Variants in NOX5 observed in about 807,000 individuals in gnomAD.
The protein encoded by NOX5 is NADPH oxidase, EF-hand calcium binding domain 5.
A neutral mutation model predicts 85.7 loss-of-function variants in NOX5; 76 were observed. The ratio of observed to expected loss-of-function variants is 0.89; its 90% CI spans 0.74 to 1.07. The LOEUF is 1.07. Among genes scored for constraint, NOX5 ranks in the 50% least tolerant of loss-of-function variants. NOX5 has a pLI of 0.00. For missense variants in NOX5, 973 were observed against 999.5 expected (o/e 0.97, Z 0.36); for synonymous variants, 405 against 401.4 (o/e 1.01, Z -0.11).
intron 12 of NOX5, 128 bp from the exon 13 acceptor site, chr15:69,047,702 C>T: frequency 7.7e-7 from 1 of 1,292,628 alleles, no homozygotes; most frequent in Non-Finnish European, 1.1e-6. Context: ...TTTTGTGTCT[C>T]ATCCCTCCCC....
intron 5 of NOX5, 58 bp downstream of exon 5, chr15:69,033,335 C>T (rs2050466879): frequency 1.3e-6 from 2 of 1,536,830 alleles, no homozygotes; most frequent in Non-Finnish European, 1.7e-6. Context: ...GAGGTGGGCT[C>T]CTCCTAGACA....
intron 5 of NOX5, among the ~76,000 whole-genome samples, chr15:69,033,770 C>T (rs1404185782): frequency 6.7e-6 from 1 of 148,198 alleles, no homozygotes; most frequent in Non-Finnish European, 1.5e-5. Flanking sequence ...TCTCAGCTCA[C>T]TGCAACTTTT....
rs989889832 is a variant in NOX5 at position 69,033,023 on chromosome 15, G to T, written c.621-20G>T. The T allele has an allele frequency of 3.9e-6, 6 of 1,525,518 alleles. No homozygotes were observed. Among genetic ancestry groups the T allele is most frequent in the Non-Finnish European group, 2.6e-6 (3 of 1,152,336 alleles). 94.5% of individuals were successfully genotyped at this position (1,525,518 alleles called of 1,614,324 possible). On this transcript the variant is annotated intron_variant, in intron 4 of 15. Transcript: ENST00000388866. ...CCCGCCCCACCGCTCGCCTCTGAGCGGAACCCGCCTCTCTCGCAGCGCTGC... is the reference window on the plus strand; with the variant it reads ...CCCGCCCCACCGCTCGCCTCTGAGCTGAACCCGCCTCTCTCGCAGCGCTGC...
intron 10 of NOX5, 66 bp from the exon 11 acceptor site, chr15:69,046,756 A>G: frequency 2.0e-6 from 3 of 1,508,518 alleles, no homozygotes; most frequent in Non-Finnish European, 2.7e-6. Context: ...AAGGGCAAGA[A>G]ACTTCTAAGA....
At chr15:69,036,147 CCTTTTTGCTGG>C (rs1449864362) in intron 7 of NOX5, among the ~76,000 whole-genome samples, 8 of 151,882 alleles carry the variant, frequency 5.3e-5, no homozygotes, top group Non-Finnish European at 1.0e-4. Flanking sequence ...GAAGAGTCTG[CCTTTTTGCTGG>C]CTTATCCCTT....
intron 14 of NOX5, among the ~76,000 whole-genome samples, chr15:69,054,489 A>G (rs1182417969): frequency 6.6e-6 from 1 of 152,078 alleles, no homozygotes; most frequent in East Asian, 1.9e-4. Context: ...GACCCTTCTC[A>G]TTCTGGCCTC....
intron 1 of NOX5, among the ~76,000 whole-genome samples, chr15:69,017,089 C>T (rs972414666): frequency 3.3e-5 from 5 of 152,020 alleles, no homozygotes; most frequent in South Asian, 2.1e-4. Context: ...ACCTGAATGA[C>T]GAAACCTTGG....
chr15:69,022,689 A>G (rs988182192), intron 1 of NOX5: 13 of 186,420 alleles, frequency 7.0e-5, no homozygotes, highest in African/African-American at 3.1e-4. Flanking sequence ...GTGAAAAAAA[A>G]ATGAATAGAT....
chr15:69,051,066 C>T (rs560052421), intron 14 of NOX5, among the ~76,000 whole-genome samples: 2 of 152,184 alleles, frequency 1.3e-5, no homozygotes, highest in Non-Finnish European at 2.9e-5. Context: ...GCCTCCCCTC[C>T]TCCCTGCATC....
chr15:69,030,242 CA>C (rs1296228237), intron 3 of NOX5: 1 of 152,170 alleles, frequency 6.6e-6, no homozygotes, highest in Non-Finnish European at 1.5e-5. Context: ...ATTTCATACT[CA>C]TGGGGTTGAG....
chr15:69,018,784 G>A (rs918807048), intron 1 of NOX5, among the ~76,000 whole-genome samples: 7 of 152,110 alleles, frequency 4.6e-5, no homozygotes, highest in East Asian at 1.9e-4. Context: ...GCCACATCCC[G>A]GGCCAGAGCT....
Position 69,024,531 on chromosome 15 carries a change from CAAG to C in NOX5, c.51-1987_51-1985del, listed in dbSNP as rs368445255. Reference sequence around the variant, plus strand: ...TCTCGGTTATCAGATCCACAGATCTCAAGAAGAAGAAGGGTTAGTACAGTAAAA... The same window carrying C: ...TCTCGGTTATCAGATCCACAGATCTCAAGAAGAAGGGTTAGTACAGTAAAA... On this transcript the variant is annotated intron_variant, in intron 1 of 15. Coordinates refer to ENST00000388866, the MANE Select transcript of NOX5 (RefSeq NM_024505.4). Among the ~76,000 whole-genome samples the C allele has an allele frequency of 1.1e-3, 170 of 152,162 alleles. 2 individuals carry two copies. The highest frequency in any genetic ancestry group is 3.9e-3 in the African/African-American group (162 of 41,488).
rs1465193774 is a variant in NOX5, at chr15:69,047,840, A to G, written c.1828A>G (p.Arg610Gly). 6.2e-7 allele frequency: 1 copy of G among 1,614,112 alleles called. No homozygotes were observed. The highest frequency in any genetic ancestry group is 1.1e-5 in the South Asian group (1 of 91,082). ...CCTGCCTCCCCTCAGGCACCAGAAA[A>G]GAAAGCATACTTGCCCCAGCTGCCA... ...LQSIMYRHQK[R>G]KHTCPSCQHS... The change falls in exon 13 of 16, where the codon AGA becomes GGA. Residue 610 changes from arginine (R) to glycine (G), a missense_variant. Transcript: ENST00000388866.
Position 69,037,205 on chromosome 15 carries a change from T to TC in NOX5, c.1368dup (p.Lys457GlnfsTer16). On this transcript the variant is annotated frameshift_variant, in exon 8 of 16. Transcript: ENST00000388866. LOFTEE classifies it high-confidence loss of function. ...CATCATGGAAGTCAACCTCCTCCCC[T>TC]CCAAGGTACAAAGGTGGGGGATGGG... The TC allele has an allele frequency of 7.4e-6, 12 of 1,613,008 alleles. No individual in the cohort carries two copies. Among genetic ancestry groups the TC allele is most frequent in the Non-Finnish European group, 1.0e-5 (12 of 1,179,720 alleles).
rs149411998 is a variant in NOX5 at position 69,014,767 on chromosome 15, G to T, written c.32G>T (p.Gly11Val). 1.4e-5 allele frequency: 21 copies of T among 1,550,264 alleles called. No individual in the cohort carries two copies. The highest frequency in any genetic ancestry group is 1.8e-5 in the Non-Finnish European group (21 of 1,146,658). MNTSGDPAQT[G>V]PEGCRGTMSA... ...ACATCTGGAGACCCAGCCCAGACGG[G>T]CCCTGAAGGCTGTAGAGGGTGAGTG... Residue 11 changes from glycine to valine, a missense_variant, in exon 1 of 16, where the codon GGC becomes GTC. Physicochemically the swap from Gly to Val is moderately radical, Grantham distance 109. Transcript: ENST00000388866.
intron 1 of NOX5, among the ~76,000 whole-genome samples, chr15:69,016,853 A>T (rs1319799095): frequency 2.0e-5 from 3 of 152,126 alleles, no homozygotes; most frequent in Admixed American, 2.0e-4. Flanking sequence ...TGTAAACCAA[A>T]AATAAAAATC....
rs775622609 is a variant in NOX5 at position 69,047,928 on chromosome 15, G to A, written c.1899+17G>A. On this transcript the variant is annotated intron_variant, in intron 13 of 15. Coordinates refer to ENST00000388866, the MANE Select transcript of NOX5 (RefSeq NM_024505.4). ...CTCCATAAGGTGAGTACCACCTCCT[G>A]CAGGCAGGCCTCCAGACCTTCTCCC... 7 of 1,612,608 alleles carry A rather than the reference G, an allele frequency of 4.3e-6. No individual in the cohort carries two copies. The highest frequency in any genetic ancestry group is 5.1e-6 in the Non-Finnish European group (6 of 1,178,670).
At chr15:69,042,840 C>T in intron 10 of NOX5, 35 bp downstream of exon 10, 1 of 1,599,748 alleles carries the variant, frequency 6.3e-7, no homozygotes, top group Non-Finnish European at 8.5e-7. Flanking sequence ...GTCCACTCTG[C>T]TGGCAAGTCC....
intron 9 of NOX5, among the ~76,000 whole-genome samples, chr15:69,039,631 G>C (rs2050569673): frequency 6.6e-6 from 1 of 152,148 alleles, no homozygotes; most frequent in Admixed American, 6.5e-5. Context: ...TGCGATGGGA[G>C]ACCAGGCTTC....
Sources: allele counts gnomAD v4.1 joint callset (sites outside exome capture counted in the v4.1 genomes callset), GRCh38; gene constraint gnomAD v4.1.1; transcripts MANE v1.5; gene names NCBI Gene and HGNC (gene_info 2026-07-23, HGNC 2026-07-21).